Variants in CDH23 observed in about 807,000 individuals in gnomAD.
CDH23 encodes the protein cadherin-23.
In CDH23, 189 loss-of-function variants were observed where a neutral mutation model predicts 317.1. That is an observed-to-expected ratio of 0.60 (90% CI 0.53 to 0.67). The LOEUF (loss-of-function observed/expected upper bound fraction) is 0.67, where lower values mean the gene tolerates loss of function less well. Among genes scored for constraint, CDH23 ranks in the 30% least tolerant of loss-of-function variants. The pLI is 0.00. For synonymous variants in CDH23, 1,839 were observed against 1,876.8 expected, an observed-to-expected ratio of 0.98 and a Z score of 0.52; for missense variants, 4,401 against 4,592.4, an observed-to-expected ratio of 0.96 and a Z score of 1.20.
At chr10:71,591,425 G>GT (rs1859485933) in intron 9 of CDH23, among the ~76,000 whole-genome samples, 2 of 152,040 alleles carry the variant, frequency 1.3e-5, no homozygotes, top group African/African-American at 4.8e-5. Context: ...AACTGGGCTC[G>GT]TGTCCCCACT....
Position 71,751,895 on chromosome 10 carries a change from C to G in CDH23, c.4845+9974C>G, listed in dbSNP as rs1401974553. The stretch of plus-strand genomic sequence containing the variant: ...GAACCAGAATGGAAGGTCATCTGTG[C>G]TGTCCGGAGCGTGAACTCTGCCCTC... On this transcript the variant is annotated intron_variant, in intron 38 of 69. Transcript: ENST00000224721. This position sits in a 1 kb window ranked among gnomAD's most constrained non-coding sequence, Gnocchi z 4.9. 6.5e-7 allele frequency: 1 copy of G among 1,537,114 alleles called. No homozygotes were observed. Among genetic ancestry groups the G allele is most frequent in the Non-Finnish European group, 8.8e-7 (1 of 1,138,826 alleles).
chr10:71,666,033 G>A (rs1863877492), intron 14 of CDH23, among the ~76,000 whole-genome samples: 1 of 152,218 alleles, frequency 6.6e-6, no homozygotes, highest in Non-Finnish European at 1.5e-5. Flanking sequence ...TGGCACTGGT[G>A]ATGGAGTGCT....
chr10:71,400,167 G>C (rs1366767856), intron 1 of CDH23, among the ~76,000 whole-genome samples: 3 of 152,200 alleles, frequency 2.0e-5, no homozygotes, highest in African/African-American at 7.2e-5. Flanking sequence ...GCCGAGGCAT[G>C]GTGGCAAGTT....
At chr10:71,785,162 C>T in intron 43 of CDH23, 62 bp downstream of exon 43, 1 of 1,416,064 alleles carries the variant, frequency 7.1e-7, no homozygotes, top group Non-Finnish European at 9.8e-7. Context: ...AGGACCCTGC[C>T]CTAGAGGCTT....
chr10:71,442,226 G>A (rs1849923203), intron 2 of CDH23, among the ~76,000 whole-genome samples: 1 of 152,216 alleles, frequency 6.6e-6, no homozygotes, highest in African/African-American at 2.4e-5. Context: ...CCTGCATGTG[G>A]ACTAGCCTGC....
At chr10:71,403,408 T>TTTCC (rs1320188460) in intron 1 of CDH23, among the ~76,000 whole-genome samples, 1 of 57,066 alleles carries the variant, frequency 1.8e-5, no homozygotes, top group Non-Finnish European at 2.8e-5. Context: ...TCTTTCTTTC[T>TTTCC]CTTCCTTCCT....
At chr10:71,759,846 C>CACACACACACAT (rs776230069) in intron 38 of CDH23, among the ~76,000 whole-genome samples, 3,050 of 60,016 alleles carry the variant, frequency 0.051, 234 homozygotes, top group Admixed American at 0.062. Context: ...CACACACACA[C>CACACACACACAT]ATATACACAC....
chr10:71,567,870 A>G (rs1857499668), intron 7 of CDH23, among the ~76,000 whole-genome samples: 1 of 152,362 alleles, frequency 6.6e-6, no homozygotes, highest in East Asian at 1.9e-4. Context: ...GCCAAGAGCA[A>G]AAAAACATGG....
chr10:71,562,668 G>C (rs1349112053), intron 6 of CDH23, among the ~76,000 whole-genome samples: 2 of 152,232 alleles, frequency 1.3e-5, no homozygotes, highest in African/African-American at 2.4e-5. Flanking sequence ...CCATAGAAAG[G>C]ACGGCACAGG....
At chr10:71,672,674 C>T (rs1216575080) in intron 14 of CDH23, among the ~76,000 whole-genome samples, 1 of 152,170 alleles carries the variant, frequency 6.6e-6, no homozygotes, top group African/African-American at 2.4e-5. Flanking sequence ...GAGGCCAAGC[C>T]TTGCAGGGGT....
At chr10:71,752,521 C>G (rs1027156224) in intron 38 of CDH23, among the ~76,000 whole-genome samples, 10 of 152,204 alleles carry the variant, frequency 6.6e-5, no homozygotes, top group Non-Finnish European at 1.0e-4. Flanking sequence ...ATCCCCTCTG[C>G]CCCTAGACCC....
At chr10:71,681,655 C>T (rs1036544879) in intron 17 of CDH23, among the ~76,000 whole-genome samples, 6 of 152,142 alleles carry the variant, frequency 3.9e-5, no homozygotes, top group Non-Finnish European at 5.9e-5. Context: ...AAGAGAGAGA[C>T]GCCAGGGGCA....
chr10:71,705,074 T>C lies in CDH23; in HGVS notation c.2897T>C (p.Val966Ala). 1 of 1,612,016 alleles carries C rather than the reference T, an allele frequency of 6.2e-7. No homozygotes were observed. Among genetic ancestry groups the C allele is most frequent in the Non-Finnish European group, 8.5e-7 (1 of 1,179,654 alleles). The change falls in exon 25 of 70, where the codon GTG becomes GCG. Residue 966 changes from valine (V) to alanine (A), a missense_variant. By Grantham distance (64) the Val-to-Ala change is moderately conservative (BLOSUM62 0). This residue lies in a region of CDH23 where 3,068 missense variants were observed against 3,203.3 expected (regional missense o/e 0.96). Coordinates refer to ENST00000224721, the MANE Select transcript of CDH23 (RefSeq NM_022124.6). ...ATCGCGGAGTACCAGCTGCGGGTGG[T>C]GGCCAGTGATGCAGGCACGCCCACC... The part of the protein sequence containing the change: ...ERIAEYQLRV[V>A]ASDAGTPTKS...
In CDH23 at chr10:71,646,920, C is replaced by T; in HGVS notation, c.1449+303C>T. 7 of 1,411,174 alleles carry T rather than the reference C, an allele frequency of 5.0e-6. No homozygotes were observed. In the East Asian group the frequency reaches 1.5e-4, roughly 30 times the overall value. The allele number at this position is 1,411,174 out of a possible 1,614,324, so 87.4% of individuals were successfully genotyped here. On this transcript the variant is annotated intron_variant, in intron 14 of 69. Transcript: ENST00000224721. ...AGGGTGGGCTGGGAGCCCTGGAAGCCCCCTCAAATGGGTGGGAAGGTGCCA... is the reference window on the plus strand; with the variant it reads ...AGGGTGGGCTGGGAGCCCTGGAAGCTCCCTCAAATGGGTGGGAAGGTGCCA...
intron 38 of CDH23, chr10:71,755,225 T>A: frequency 2.3e-6 from 2 of 873,088 alleles, no homozygotes; most frequent in South Asian, 1.5e-5. Flanking sequence ...TGGCGGGAAG[T>A]GCAGCTGCTC....
chr10:71,498,500 G>A (rs1403312113), intron 3 of CDH23, among the ~76,000 whole-genome samples: 1 of 152,236 alleles, frequency 6.6e-6, no homozygotes, highest in Non-Finnish European at 1.5e-5. Flanking sequence ...ATGTAGGTCT[G>A]CCCGCTGGAC....
intron 6 of CDH23, among the ~76,000 whole-genome samples, chr10:71,523,324 A>G (rs2132236539): frequency 6.6e-6 from 1 of 152,322 alleles, no homozygotes; most frequent in Middle Eastern, 3.4e-3. Flanking sequence ...GGGCCAGGGC[A>G]ATGGGAGAAG....
At position 71,557,302 on chromosome 10, in the gene CDH23, C is replaced by T. The variant is rs57355852; in HGVS notation, c.430-9440C>T. Reference sequence around the variant, plus strand: ...ATGCTTGATGTAGGGAGCCTCTCAGCATATTCAAAGTATATTGAGTTTTTA... The same window carrying T: ...ATGCTTGATGTAGGGAGCCTCTCAGTATATTCAAAGTATATTGAGTTTTTA... On this transcript the variant is annotated intron_variant, in intron 6 of 69. Coordinates refer to ENST00000224721, the MANE Select transcript of CDH23 (RefSeq NM_022124.6). Among the ~76,000 whole-genome samples, 763 of 152,248 alleles carry T rather than the reference C, an allele frequency of 5.0e-3. 3 individuals carry two copies. Among genetic ancestry groups the T allele is most frequent in the African/African-American group, 0.017 (697 of 41,528 alleles).
Position 71,566,595 on chromosome 10 carries a change from T to A in CDH23, c.430-147T>A, listed in dbSNP as rs1857412944. On this transcript the variant is annotated intron_variant, in intron 6 of 69. Coordinates refer to ENST00000224721, the MANE Select transcript of CDH23 (RefSeq NM_022124.6). ...AAAGAAAAGATACCGCATTTTAAAT[T>A]TTGGGGCCCCTCCTAGAATGAAAAT... is the stretch of plus-strand genomic sequence containing the variant. The A allele has an allele frequency of 4.9e-6, 3 of 607,154 alleles. No individual in the cohort carries two copies. The East Asian group carries it at 9.5e-5, about 19-fold the overall frequency. The allele number at this position is 607,154 out of a possible 1,614,324, so 37.6% of individuals were successfully genotyped here.
Sources: allele counts gnomAD v4.1 joint callset (sites outside exome capture counted in the v4.1 genomes callset), GRCh38; gene constraint gnomAD v4.1.1; regional missense constraint gnomAD v4.1.1; non-coding constraint Gnocchi (gnomAD v3.1); transcripts MANE v1.5; gene names NCBI Gene and HGNC (gene_info 2026-07-23, HGNC 2026-07-21).